The following TTC4 variants were observed in gnomAD, a reference collection of about 807,000 sequenced individuals.
TTC4 encodes hsp70/Hsp90 co-chaperone CNS1 homolog.
A neutral mutation model predicts 51.9 loss-of-function variants in TTC4; 36 were observed. The ratio of observed to expected loss-of-function variants is 0.69; its 90% CI spans 0.53 to 0.92. The LOEUF is 0.92. Ranked by LOEUF, TTC4 falls within the 40% of genes least tolerant of loss-of-function variation. The probability of loss-of-function intolerance (pLI) is 0.00; values close to 1 mark genes in which losing one functional copy is unlikely to be tolerated. For missense variants in TTC4, 399 were observed against 454.6 expected, an observed-to-expected ratio of 0.88 and a Z score of 1.11; for synonymous variants, 144 against 164.2, an observed-to-expected ratio of 0.88 and a Z score of 0.94.
chr1:54,731,343 T>G (rs1645863113), intron 6 of TTC4, 143 bp from the exon 7 acceptor site: 1 of 715,636 alleles, frequency 1.4e-6, no homozygotes, highest in African/African-American at 1.8e-5. Flanking sequence ...ATAGTGAAAC[T>G]CCGTCTCTTC....
Position 54,741,591 on chromosome 1 carries a change from T to C in TTC4, c.*78T>C. 8.4e-7 allele frequency: 1 copy of C among 1,185,400 alleles called. No homozygotes were observed. The highest frequency in any genetic ancestry group is 1.2e-5 in the South Asian group (1 of 82,046). The allele number at this position is 1,185,400 out of a possible 1,614,324, so 73.4% of individuals were successfully genotyped here. On this transcript the variant is annotated 3_prime_UTR_variant, in exon 10 of 10. Coordinates refer to ENST00000371281, the MANE Select transcript of TTC4 (RefSeq NM_004623.5). ...GCACACCTGAATCAGCTGGACATAC[T>C]GCTGGAGTCCAGTGCTTTCTTTCCG... is the stretch of plus-strand genomic sequence containing the variant.
chr1:54,726,887 C>T (rs1241014552), intron 5 of TTC4, among the ~76,000 whole-genome samples: 1 of 152,154 alleles, frequency 6.6e-6, no homozygotes, highest in Non-Finnish European at 1.5e-5. Context: ...GCCCTCCTGC[C>T]TCAGTCTCCC....
At chr1:54,718,455 C>T (rs1020618021) in intron 3 of TTC4, among the ~76,000 whole-genome samples, 2 of 152,080 alleles carry the variant, frequency 1.3e-5, no homozygotes, top group Admixed American at 6.5e-5. Context: ...TGCCATGTTG[C>T]CCGGGCTGGT....
chr1:54,726,537 A>AT, intron 5 of TTC4, among the ~76,000 whole-genome samples: 1 of 152,336 alleles, frequency 6.6e-6, no homozygotes, highest in East Asian at 1.9e-4. Flanking sequence ...TATTCTATAG[A>AT]TTTTTAATGA....
In TTC4 at chr1:54,722,777, G is replaced by A. The variant is rs921005206; in HGVS notation, c.572G>A (p.Arg191Lys). 2 of 1,613,854 alleles carry A rather than the reference G, an allele frequency of 1.2e-6. No homozygotes were observed. Among genetic ancestry groups the A allele is most frequent in the South Asian group, 1.1e-5 (1 of 91,040 alleles). The change falls in exon 5 of 10, where the codon AGG (arginine) becomes AAG (lysine). Residue 191 changes from arginine (R) to lysine (K), a missense_variant. By Grantham distance (26) the Arg-to-Lys change is conservative (BLOSUM62 2). Transcript: ENST00000371281. The part of the protein sequence containing the change: ...DAKEKKLLEM[R>K]AKADKLKRIE... Reference sequence around the variant, plus strand: ...AAAGAGAAGAAGCTTCTGGAAATGAGGGCTAAAGCAGACAAGCTGAAGGTT... The same window carrying A: ...AAAGAGAAGAAGCTTCTGGAAATGAAGGCTAAAGCAGACAAGCTGAAGGTT...
intron 9 of TTC4, among the ~76,000 whole-genome samples, chr1:54,740,140 A>C (rs1347528873): frequency 7.3e-6 from 1 of 137,068 alleles, no homozygotes; most frequent in Non-Finnish European, 1.6e-5. Flanking sequence ...ACACCACTGC[A>C]CTCCAGCCTA....
At chr1:54,731,821 A>G (rs1645869143) in intron 7 of TTC4, 121 bp downstream of exon 7, 1 of 922,978 alleles carries the variant, frequency 1.1e-6, no homozygotes, top group Non-Finnish European at 1.6e-6. Flanking sequence ...GTTTCACACC[A>G]TCTGGTTTGA....
chr1:54,732,320 CAAAA>C (rs1180940323), intron 7 of TTC4, among the ~76,000 whole-genome samples: 1 of 16,904 alleles, frequency 5.9e-5, no homozygotes, highest in Non-Finnish European at 1.0e-4. Flanking sequence ...GACTCTGTCT[CAAAA>C]AAAAAAAAAA....
At chr1:54,734,726 A>G (rs1645913856) in intron 8 of TTC4, among the ~76,000 whole-genome samples, 1 of 152,164 alleles carries the variant, frequency 6.6e-6, no homozygotes, top group African/African-American at 2.4e-5. Flanking sequence ...ATAACATTCC[A>G]TTGTTGGGAT....
intron 7 of TTC4, among the ~76,000 whole-genome samples, chr1:54,732,183 A>G (rs1323827927): frequency 1.3e-5 from 2 of 151,832 alleles, no homozygotes; most frequent in African/African-American, 4.8e-5. Flanking sequence ...AATACAAAAA[A>G]TTAGCTGGGC....
chr1:54,734,453 A>G (rs765986580), intron 8 of TTC4, among the ~76,000 whole-genome samples: 1 of 152,042 alleles, frequency 6.6e-6, no homozygotes, highest in Admixed American at 6.6e-5. Flanking sequence ...CTGTGGTGCA[A>G]TCTCAGATCG....
chr1:54,731,404 T>C, intron 6 of TTC4, 82 bp from the exon 7 acceptor site: 1 of 1,321,810 alleles, frequency 7.6e-7, no homozygotes, highest in Non-Finnish European at 1.0e-6. Flanking sequence ...CATTATGGTT[T>C]CTTTATTTCA....
intron 5 of TTC4, among the ~76,000 whole-genome samples, chr1:54,727,894 C>G (rs1645820589): frequency 6.6e-6 from 1 of 152,032 alleles, no homozygotes. Flanking sequence ...AAAAGATGTT[C>G]AACATCATTA....
chr1:54,720,421 T>C (rs1328461371), intron 3 of TTC4, among the ~76,000 whole-genome samples: 3 of 151,332 alleles, frequency 2.0e-5, no homozygotes, highest in East Asian at 3.9e-4. Flanking sequence ...ATAACTGGTA[T>C]GTGTGTGACT....
chr1:54,723,036 A>C (rs1645762113), intron 5 of TTC4, among the ~76,000 whole-genome samples: 1 of 152,232 alleles, frequency 6.6e-6, no homozygotes, highest in Non-Finnish European at 1.5e-5. Context: ...ACAGTGTTTC[A>C]TTCAATGATG....
At chr1:54,724,197 G>A (rs190288168) in intron 5 of TTC4, among the ~76,000 whole-genome samples, 1 of 152,234 alleles carries the variant, frequency 6.6e-6, no homozygotes, top group East Asian at 1.9e-4. Context: ...CAGACTTGTG[G>A]CTATGTTAAT....
In TTC4 at chr1:54,722,792, A is replaced by G; in HGVS notation, c.587A>G (p.Lys196Arg). Residue 196 changes from lysine to arginine, a missense_variant, in exon 5 of 10, where the codon AAG becomes AGG. By Grantham distance (26) the Lys-to-Arg change is conservative (BLOSUM62 2). Transcript: ENST00000371281. ...CTGGAAATGAGGGCTAAAGCAGACAAGCTGAAGGTTGGTGACTGTCAGCAA... is the reference window on the plus strand; with the variant it reads ...CTGGAAATGAGGGCTAAAGCAGACAGGCTGAAGGTTGGTGACTGTCAGCAA... ...KLLEMRAKAD[K>R]LKRIEQRDVR... 6.2e-7 allele frequency: 1 copy of G among 1,613,638 alleles called. No homozygotes were observed. Among genetic ancestry groups the G allele is most frequent in the Non-Finnish European group, 8.5e-7 (1 of 1,179,820 alleles).
At chr1:54,720,062 C>A (rs894018890) in intron 3 of TTC4, among the ~76,000 whole-genome samples, 17 of 152,068 alleles carry the variant, frequency 1.1e-4, no homozygotes, top group African/African-American at 4.1e-4. Flanking sequence ...CCATGCCCAG[C>A]TAATTTTTAA....
At chr1:54,723,518 G>T (rs895470922) in intron 5 of TTC4, among the ~76,000 whole-genome samples, 2 of 152,148 alleles carry the variant, frequency 1.3e-5, no homozygotes, top group African/African-American at 4.8e-5. Flanking sequence ...ACTAGTTCTG[G>T]CTTTCTATTA....
Sources: gnomAD v4.1 joint callset for allele counts (sites outside exome capture counted in the v4.1 genomes callset) on GRCh38, gnomAD v4.1.1 for gene constraint, MANE v1.5 for transcripts, NCBI Gene and HGNC (gene_info 2026-07-23, HGNC 2026-07-21) for gene names.